Variants in IL5RA observed in about 807,000 individuals in gnomAD.
IL5RA encodes interleukin-5 receptor subunit alpha.
A neutral mutation model predicts 50.0 loss-of-function variants in IL5RA; 49 were observed. The observed-to-expected ratio is 0.98, with a 90% confidence interval of 0.78 to 1.24. IL5RA has a LOEUF of 1.24. Ranked by LOEUF, IL5RA falls within the 50% of genes most tolerant of loss-of-function variation. IL5RA has a pLI of 0.00. For synonymous variants in IL5RA, 202 were observed against 174.0 expected (o/e 1.16, Z -1.26); for missense variants, 600 against 500.4 (o/e 1.20, Z -1.90).
At chr3:3,108,929 G>T (rs1338657237) in intron 1 of IL5RA, among the ~76,000 whole-genome samples, 1 of 152,140 alleles carries the variant, frequency 6.6e-6, no homozygotes, top group Non-Finnish European at 1.5e-5. Flanking sequence ...TTAACAAATA[G>T]CTACATAAAT....
rs1432348089 is a variant in IL5RA at position 3,101,782 on chromosome 3, CT to C, written c.276del (p.Gly93AlafsTer38). ...ATGGTCCGCACACTTGCTGAAAAGCCTTTGTGGAGGATGGTTACACATTTGC... is the reference window on the plus strand; with the variant it reads ...ATGGTCCGCACACTTGCTGAAAAGCCTTGTGGAGGATGGTTACACATTTGC... ...TESKCVTILH[K>X]GFSASVRTIL... On this transcript the variant is annotated frameshift_variant, in exon 5 of 12. Coordinates refer to ENST00000446632, the MANE Select transcript of IL5RA (RefSeq NM_175726.4). LOFTEE classifies it high-confidence loss of function. The C allele has an allele frequency of 6.2e-7, 1 of 1,614,008 alleles. No homozygotes were observed. The highest frequency in any genetic ancestry group is 1.7e-5 in the Admixed American group (1 of 60,002).
chr3:3,095,573 C>G (rs1308786111), intron 7 of IL5RA, 129 bp from the exon 8 acceptor site: 8 of 743,418 alleles, frequency 1.1e-5, no homozygotes, highest in Non-Finnish European at 1.8e-5. Flanking sequence ...ACCATCAGGT[C>G]TTAATCAACT....
intron 10 of IL5RA, 68 bp from the exon 11 acceptor site, chr3:3,074,934 A>G: frequency 1.0e-6 from 1 of 957,702 alleles, no homozygotes; most frequent in Non-Finnish European, 1.7e-6. Flanking sequence ...TATCTACTCT[A>G]AAAATTGACC....
intron 2 of IL5RA, among the ~76,000 whole-genome samples, chr3:3,105,270 CT>C (rs1703854767): frequency 6.6e-6 from 1 of 152,168 alleles, no homozygotes; most frequent in South Asian, 2.1e-4. Flanking sequence ...GCAGAGACTT[CT>C]GATTTGCCAT....
chr3:3,106,829 C>T (rs1703945297), intron 2 of IL5RA, among the ~76,000 whole-genome samples: 1 of 152,048 alleles, frequency 6.6e-6, no homozygotes, highest in African/African-American at 2.4e-5. Flanking sequence ...AATTCTAGGT[C>T]AGAAAAAACT....
chr3:3,084,209 G>A (rs546447431), intron 9 of IL5RA, among the ~76,000 whole-genome samples: 1 of 152,304 alleles, frequency 6.6e-6, no homozygotes, highest in African/African-American at 2.4e-5. Context: ...GCACAGTGCT[G>A]GTACACAGGT....
Position 3,102,823 on chromosome 3 carries a change from GTTGA to G in IL5RA, c.83-7_83-4del. ...ATTGACAGGTGGGAGAAGTGAAACTGTTGATTCAAAGAATAAAGAAACAACACAA... is the reference window on the plus strand; with the variant it reads ...ATTGACAGGTGGGAGAAGTGAAACTGTTCAAAGAATAAAGAAACAACACAA... On this transcript the variant is annotated splice_region_variant and splice_polypyrimidine_tract_variant and intron_variant, in intron 3 of 11. Coordinates refer to ENST00000446632, the MANE Select transcript of IL5RA (RefSeq NM_175726.4). The G allele has an allele frequency of 6.3e-7, 1 of 1,596,222 alleles. No individual in the cohort carries two copies. The highest frequency in any genetic ancestry group is 8.5e-7 in the Non-Finnish European group (1 of 1,174,720).
At chr3:3,101,013 TAA>T (rs1703623559) in intron 5 of IL5RA, among the ~76,000 whole-genome samples, 2 of 125,338 alleles carry the variant, frequency 1.6e-5, no homozygotes, top group African/African-American at 5.8e-5. Flanking sequence ...ATAATAATAA[TAA>T]TAATAATACA....
intron 3 of IL5RA, among the ~76,000 whole-genome samples, chr3:3,103,603 G>T (rs1448007955): frequency 6.6e-6 from 1 of 152,062 alleles, no homozygotes; most frequent in Non-Finnish European, 1.5e-5. Context: ...AGAAAGAAAA[G>T]GTTTCTTCCC....
Position 3,101,834 on chromosome 3 carries a change from A to G in IL5RA, c.229-4T>C. On this transcript the variant is annotated splice_polypyrimidine_tract_variant and splice_region_variant and intron_variant, in intron 4 of 11. Transcript: ENST00000446632. ...TTTCAGTGATTCTGGTTTCATACTA[A>G]AAATAAAACCCACAAGTCATGATAC... 1.2e-6 allele frequency: 2 copies of G among 1,613,050 alleles called. No individual in the cohort carries two copies. Among genetic ancestry groups the G allele is most frequent in the Non-Finnish European group, 1.7e-6 (2 of 1,179,586 alleles).
intron 9 of IL5RA, among the ~76,000 whole-genome samples, chr3:3,087,547 A>G (rs1242893163): frequency 6.6e-6 from 1 of 152,166 alleles, no homozygotes; most frequent in African/African-American, 2.4e-5. Flanking sequence ...TATTTGAGAA[A>G]ATTGTATATT....
rs1702259814 is a variant in IL5RA, at chr3:3,070,419, A to ATGTT, written c.1177-112_1177-109dup. 7.4e-6 allele frequency: 5 copies of ATGTT among 675,978 alleles called. No individual in the cohort carries two copies. In the South Asian group the frequency reaches 9.7e-5, roughly 13 times the overall value. 41.9% of individuals were successfully genotyped at this position (675,978 alleles called of 1,614,324 possible). On this transcript the variant is annotated intron_variant, in intron 11 of 11. Coordinates refer to ENST00000446632, the MANE Select transcript of IL5RA (RefSeq NM_175726.4). ...ATTATTTTTTAAATAAAAATAGTAAATGTTCACAAAGAAGATGTGAAAAAT... is the reference window on the plus strand; with the variant it reads ...ATTATTTTTTAAATAAAAATAGTAAATGTTTGTTCACAAAGAAGATGTGAAAAAT...
intron 5 of IL5RA, 106 bp downstream of exon 5, chr3:3,101,586 G>C: frequency 1.8e-6 from 2 of 1,136,326 alleles, no homozygotes; most frequent in Non-Finnish European, 2.5e-6. Flanking sequence ...TACTTGAGAA[G>C]AACGGGTGAC....
Position 3,075,837 on chromosome 3 carries a change from T to C in IL5RA, c.1091+694A>G, listed in dbSNP as rs17885559. Among the ~76,000 whole-genome samples, 943 of 152,212 alleles carry C rather than the reference T, an allele frequency of 6.2e-3. 10 individuals are homozygous for C. Among genetic ancestry groups the C allele is most frequent in the African/African-American group, 0.022 (904 of 41,540 alleles). ...GGGTGGTCTCGATCTCCTGACCTCA[T>C]GGTCCACCCGCTGTGGCCTCCCAAA... On this transcript the variant is annotated intron_variant, in intron 10 of 11. Coordinates refer to ENST00000446632, the MANE Select transcript of IL5RA (RefSeq NM_175726.4).
At position 3,104,200 on chromosome 3, in the gene IL5RA, T is replaced by G. The variant is rs374266290; in HGVS notation, c.82+703A>C. On this transcript the variant is annotated intron_variant, in intron 3 of 11. Transcript: ENST00000446632. Reference sequence around the variant, plus strand: ...GATTACAGGCATGTGCCACCACACCTGGCTATTTTTGAATTTTTAGTAGAG... The same window carrying G: ...GATTACAGGCATGTGCCACCACACCGGGCTATTTTTGAATTTTTAGTAGAG... 3.2e-4 allele frequency among the ~76,000 whole-genome samples: 49 copies of G among 152,314 alleles called. 1 individual carries two copies. The highest frequency in any genetic ancestry group is 2.5e-3 in the South Asian group (12 of 4,820).
chr3:3,085,644 C>T (rs17885317), intron 9 of IL5RA, among the ~76,000 whole-genome samples: 1 of 152,174 alleles, frequency 6.6e-6, no homozygotes, highest in African/African-American at 2.4e-5. Flanking sequence ...TACCAAGTCA[C>T]CTCACACATC....
At chr3:3,088,345 G>A (rs1321685102) in intron 9 of IL5RA, among the ~76,000 whole-genome samples, 2 of 152,114 alleles carry the variant, frequency 1.3e-5, no homozygotes, top group African/African-American at 2.4e-5. Context: ...GAGAGGTTAG[G>A]TGTAGACTGA....
chr3:3,090,300 A>G, intron 9 of IL5RA: 1 of 1,360,480 alleles, frequency 7.4e-7, no homozygotes, highest in Non-Finnish European at 1.0e-6. Flanking sequence ...TACACAATCA[A>G]TCCTTGTAAA....
intron 11 of IL5RA, among the ~76,000 whole-genome samples, chr3:3,073,281 G>A (rs942918829): frequency 6.6e-6 from 1 of 152,156 alleles, no homozygotes; most frequent in East Asian, 1.9e-4. Context: ...GTCACCAGGT[G>A]GTTCATCCAA....
Sources: allele counts gnomAD v4.1 joint callset (sites outside exome capture counted in the v4.1 genomes callset), GRCh38; gene constraint gnomAD v4.1.1; transcripts MANE v1.5; gene names NCBI Gene and HGNC (gene_info 2026-07-23, HGNC 2026-07-21).